Variants in SYT2 observed in about 807,000 individuals in gnomAD.
The protein encoded by SYT2 is synaptotagmin 2.
Under a neutral mutation model 39.9 loss-of-function variants are expected in SYT2, and 15 were observed. The ratio of observed to expected loss-of-function variants is 0.38; its 90% confidence interval spans 0.25 to 0.58. SYT2 has a LOEUF of 0.58. Among genes scored for constraint, SYT2 ranks in the 20% least tolerant of loss-of-function variants. The pLI is 0.70. For synonymous variants in SYT2, 181 were observed against 204.5 expected (o/e 0.89, Z 0.98); for missense variants, 389 against 530.3 (o/e 0.73, Z 2.62).
intron 1 of SYT2, among the ~76,000 whole-genome samples, chr1:202,667,537 GAA>G (rs1692504088): frequency 6.6e-6 from 1 of 150,968 alleles, no homozygotes; most frequent in African/African-American, 2.4e-5. Flanking sequence ...GTATTTATCA[GAA>G]AGAGTTGTGG....
At chr1:202,679,299 T>C (rs1313620562) in intron 1 of SYT2, among the ~76,000 whole-genome samples, 1 of 152,146 alleles carries the variant, frequency 6.6e-6, no homozygotes, top group East Asian at 1.9e-4. Flanking sequence ...GGGCCTCCCC[T>C]GAACACCAGC....
chr1:202,640,131 C>T (rs1247492772), intron 1 of SYT2, among the ~76,000 whole-genome samples: 8 of 152,190 alleles, frequency 5.3e-5, no homozygotes, highest in Admixed American at 2.0e-4. Flanking sequence ...TAACCATCAG[C>T]GCTCTTACTG....
intron 1 of SYT2, among the ~76,000 whole-genome samples, chr1:202,678,217 T>C (rs1653427971): frequency 7.8e-6 from 1 of 128,834 alleles, no homozygotes. Flanking sequence ...GAGGTTGCAG[T>C]GAGCCGAGAT....
Position 202,693,194 on chromosome 1 carries a change from A to G in SYT2, c.-18+17064T>C, listed in dbSNP as rs574176983. Among the ~76,000 whole-genome samples the G allele has an allele frequency of 1.2e-4, 19 of 152,266 alleles. 2 individuals are homozygous for G. In the South Asian group the frequency reaches 3.9e-3, roughly 32 times the overall value. On this transcript the variant is annotated intron_variant, in intron 1 of 8. Coordinates refer to ENST00000367268, the MANE Select transcript of SYT2 (RefSeq NM_177402.5). ...CCCATCTGGAGAAGCCATGGCTTGCATTTCTAAATACTGTTGGGGTTTCCA... is the reference window on the plus strand; with the variant it reads ...CCCATCTGGAGAAGCCATGGCTTGCGTTTCTAAATACTGTTGGGGTTTCCA...
intron 1 of SYT2, among the ~76,000 whole-genome samples, chr1:202,636,919 G>C (rs1182510954): frequency 1.3e-5 from 2 of 152,194 alleles, no homozygotes; most frequent in African/African-American, 4.8e-5. Flanking sequence ...GGAGGAGCTG[G>C]CATTTGAATA....
chr1:202,690,421 C>T (rs1433188009), intron 1 of SYT2, among the ~76,000 whole-genome samples: 2 of 152,166 alleles, frequency 1.3e-5, no homozygotes, highest in Admixed American at 1.3e-4. Flanking sequence ...AGAAAGACAC[C>T]CACTGCTAGC....
chr1:202,709,982 G>A (rs1163235185), intron 1 of SYT2, among the ~76,000 whole-genome samples: 1 of 151,718 alleles, frequency 6.6e-6, no homozygotes, highest in African/African-American at 2.4e-5. Flanking sequence ...GCAGCAACCC[G>A]CGGGAGGAAA....
intron 1 of SYT2, among the ~76,000 whole-genome samples, chr1:202,642,973 G>T (rs543362034): frequency 3.6e-4 from 55 of 152,376 alleles, no homozygotes; most frequent in African/African-American, 1.3e-3. Context: ...GGCTCTCCGC[G>T]GGGAGAGATA....
intron 1 of SYT2, among the ~76,000 whole-genome samples, chr1:202,646,124 C>G (rs990964440): frequency 6.6e-6 from 1 of 152,172 alleles, no homozygotes; most frequent in African/African-American, 2.4e-5. Flanking sequence ...CCGCCCTCCT[C>G]CCCAGGTGCT....
In SYT2 at chr1:202,653,692, C is replaced by G. The variant is rs762221400; in HGVS notation, c.-17-47903G>C. On this transcript the variant is annotated intron_variant, in intron 1 of 8. Transcript: ENST00000367268. Reference sequence around the variant, plus strand: ...ACAGAGACTGGGCGCTGGAGTCCCACGATGGAGGCAAGGTACCGCTGCATG... The same window carrying G: ...ACAGAGACTGGGCGCTGGAGTCCCAGGATGGAGGCAAGGTACCGCTGCATG... Among the ~76,000 whole-genome samples the G allele has an allele frequency of 3.3e-5, 5 of 152,306 alleles. No individual in the cohort carries two copies. In the South Asian group the frequency reaches 1.0e-3, roughly 32 times the overall value.
chr1:202,702,393 A>T (rs927479395), intron 1 of SYT2, among the ~76,000 whole-genome samples: 3 of 152,206 alleles, frequency 2.0e-5, no homozygotes, highest in African/African-American at 7.2e-5. Flanking sequence ...GGGCAGCCTT[A>T]TTAAAGTGAT....
chr1:202,709,790 T>C (rs1654347414), intron 1 of SYT2, among the ~76,000 whole-genome samples: 2 of 151,778 alleles, frequency 1.3e-5, no homozygotes, highest in South Asian at 4.2e-4. Flanking sequence ...CCCGCCCCAC[T>C]TCCCACGACG....
chr1:202,706,708 CAGG>C (rs1480664657), intron 1 of SYT2, among the ~76,000 whole-genome samples: 1 of 152,160 alleles, frequency 6.6e-6, no homozygotes, highest in Non-Finnish European at 1.5e-5. Context: ...TTCTGGAGTC[CAGG>C]AGAAGCCATA....
intron 6 of SYT2, among the ~76,000 whole-genome samples, chr1:202,600,782 T>C (rs1361474314): frequency 2.0e-5 from 3 of 152,108 alleles, no homozygotes; most frequent in Non-Finnish European, 4.4e-5. Context: ...CCTGGGTGGA[T>C]CTGGGATCTG....
intron 1 of SYT2, among the ~76,000 whole-genome samples, chr1:202,663,122 G>C (rs1196369259): frequency 6.6e-6 from 1 of 152,156 alleles, no homozygotes; most frequent in Non-Finnish European, 1.5e-5. Context: ...AGCAATCAAG[G>C]TATCAGCCCA....
intron 2 of SYT2, 86 bp from the exon 3 acceptor site, chr1:202,604,707 A>G: frequency 7.4e-7 from 1 of 1,353,682 alleles, no homozygotes; most frequent in Admixed American, 2.2e-5. Context: ...TGGGTGAGGA[A>G]TATGACTGCC....
At chr1:202,643,762 C>T (rs1395773759) in intron 1 of SYT2, among the ~76,000 whole-genome samples, 1 of 151,944 alleles carries the variant, frequency 6.6e-6, no homozygotes, top group Non-Finnish European at 1.5e-5. Flanking sequence ...CGCGGTCCTA[C>T]AGAAGTTTGA....
At chr1:202,649,956 G>A (rs1397734256) in intron 1 of SYT2, among the ~76,000 whole-genome samples, 1 of 152,206 alleles carries the variant, frequency 6.6e-6, no homozygotes, top group Non-Finnish European at 1.5e-5. Context: ...TGTCAATCCA[G>A]CTCCAGTCTT....
At chr1:202,642,986 T>C (rs562898636) in intron 1 of SYT2, among the ~76,000 whole-genome samples, 9 of 152,354 alleles carry the variant, frequency 5.9e-5, no homozygotes, top group East Asian at 5.8e-4. Flanking sequence ...GAGAGATAGG[T>C]TGGGGGCTAG....
Sources: allele counts gnomAD v4.1 joint callset (sites outside exome capture counted in the v4.1 genomes callset), GRCh38; gene constraint gnomAD v4.1.1; transcripts MANE v1.5; gene names NCBI Gene and HGNC (gene_info 2026-07-23, HGNC 2026-07-21).